The following FYB1 variants were observed in gnomAD, a reference collection of about 807,000 sequenced individuals.
FYB1 encodes FYN-binding protein 1.
In FYB1, 41 loss-of-function variants were observed where a neutral mutation model predicts 94.1. The observed-to-expected ratio is 0.44, with a 90% CI of 0.34 to 0.57. The LOEUF (loss-of-function observed/expected upper bound fraction) is 0.57. Among genes scored for constraint, FYB1 ranks in the 20% least tolerant of loss-of-function variants. The pLI, the probability that FYB1 is intolerant of heterozygous loss-of-function variation, is 0.02. For synonymous variants in FYB1, 367 were observed against 353.2 expected (o/e 1.04, Z -0.44); for missense variants, 1,050 against 976.8 (o/e 1.07, Z -1.00).
intron 12 of FYB1, among the ~76,000 whole-genome samples, chr5:39,124,925 A>ACACACACACG (rs1401564120): frequency 6.6e-6 from 1 of 150,694 alleles, no homozygotes; most frequent in African/African-American, 2.4e-5. Context: ...CCACACACAC[A>ACACACACACG]CACACACACA....
intron 3 of FYB1, among the ~76,000 whole-genome samples, chr5:39,149,695 C>T (rs889662186): frequency 6.6e-6 from 1 of 152,126 alleles, no homozygotes; most frequent in Non-Finnish European, 1.5e-5. Context: ...CCTCCACAGT[C>T]CTCACTTTTT....
intron 16 of FYB1, among the ~76,000 whole-genome samples, chr5:39,113,376 C>T (rs888309437): frequency 6.6e-5 from 10 of 152,088 alleles, no homozygotes; most frequent in African/African-American, 2.2e-4. Flanking sequence ...GGGATTCTCA[C>T]ATACAATATG....
chr5:39,270,273 G>T (rs976362665), intron 1 of FYB1, among the ~76,000 whole-genome samples: 37 of 152,100 alleles, frequency 2.4e-4, no homozygotes, highest in Admixed American at 2.0e-3. Context: ...ACTGGGGCTG[G>T]CACCAAGCTA....
At position 39,202,106 on chromosome 5, in the gene FYB1, A is replaced by G; in HGVS notation, c.855T>C (p.Asp285=). 1 of 1,613,856 alleles carries G rather than the reference A, an allele frequency of 6.2e-7. No individual in the cohort carries two copies. The highest frequency in any genetic ancestry group is 1.1e-5 in the South Asian group (1 of 91,074). The change falls in exon 2 of 19, where the codon GAT becomes GAC. Residue 285 remains aspartate, a synonymous_variant. Transcript: ENST00000512982. ...LSKNGEEKKE[D]RKIDAAKNTF... Reference sequence around the variant, plus strand: ...TGTTCTTAGCAGCATCTATCTTCCTATCTTCCTTTTTTTCTTCACCATTTT... The same window carrying G: ...TGTTCTTAGCAGCATCTATCTTCCTGTCTTCCTTTTTTTCTTCACCATTTT...
chr5:39,201,771 A>G, intron 2 of FYB1, 55 bp downstream of exon 2: 1 of 1,480,028 alleles, frequency 6.8e-7, no homozygotes, highest in Non-Finnish European at 9.1e-7. Flanking sequence ...AGAAGCTAAA[A>G]CATTCTCTGC....
intron 3 of FYB1, among the ~76,000 whole-genome samples, chr5:39,146,069 C>T (rs1742623421): frequency 6.6e-6 from 1 of 151,990 alleles, no homozygotes; most frequent in African/African-American, 2.4e-5. Context: ...TGCCTGCCAC[C>T]ATGCCCGGCT....
At chr5:39,184,199 T>A (rs1054250979) in intron 2 of FYB1, among the ~76,000 whole-genome samples, 1 of 152,180 alleles carries the variant, frequency 6.6e-6, no homozygotes, top group African/African-American at 2.4e-5. Context: ...CTAAAGCAGA[T>A]TGTTGTCAAA....
intron 2 of FYB1, among the ~76,000 whole-genome samples, chr5:39,190,025 C>A (rs192812152): frequency 1.2e-4 from 19 of 152,204 alleles, no homozygotes; most frequent in Non-Finnish European, 2.6e-4. Context: ...TTGAATAACA[C>A]ACAGGATGAT....
chr5:39,109,046 A>T (rs1440953413), intron 17 of FYB1, among the ~76,000 whole-genome samples: 1 of 152,270 alleles, frequency 6.6e-6, no homozygotes, highest in Middle Eastern at 3.4e-3. Flanking sequence ...AAACATGAAC[A>T]TTGCCTTGAA....
intron 1 of FYB1, among the ~76,000 whole-genome samples, chr5:39,272,384 C>G (rs1255224937): frequency 1.3e-5 from 2 of 151,916 alleles, no homozygotes; most frequent in Admixed American, 1.3e-4. Flanking sequence ...ACTTAATCAG[C>G]CCGGGCGCGG....
At chr5:39,251,023 G>T (rs1751690236) in intron 1 of FYB1, among the ~76,000 whole-genome samples, 1 of 152,194 alleles carries the variant, frequency 6.6e-6, no homozygotes, top group African/African-American at 2.4e-5. Flanking sequence ...AAGATGAAAG[G>T]ATTTCAAATG....
At chr5:39,266,986 C>T (rs1752460781) in intron 1 of FYB1, among the ~76,000 whole-genome samples, 1 of 152,112 alleles carries the variant, frequency 6.6e-6, no homozygotes, top group Non-Finnish European at 1.5e-5. Context: ...TAGAGGAGCT[C>T]CGGCTCTGAG....
At chr5:39,142,843 T>A (rs1742308456) in intron 3 of FYB1, among the ~76,000 whole-genome samples, 1 of 152,248 alleles carries the variant, frequency 6.6e-6, no homozygotes, top group Admixed American at 6.5e-5. Flanking sequence ...CTCACTTGAT[T>A]GCTTTGTGGC....
At chr5:39,194,019 C>T (rs147721811) in intron 2 of FYB1, among the ~76,000 whole-genome samples, 126 of 152,250 alleles carry the variant, frequency 8.3e-4, no homozygotes, top group Non-Finnish European at 1.5e-3. Flanking sequence ...ACAGTAAATT[C>T]CTGAGAGCCT....
rs190799404 is a variant in FYB1 at position 39,169,621 on chromosome 5, G to A, written c.1136-16017C>T. 546 of 448,664 alleles carry A rather than the reference G, an allele frequency of 1.2e-3. 2 individuals are homozygous for A. The highest frequency in any genetic ancestry group is 0.011 in the African/African-American group (530 of 49,594). 27.8% of individuals were successfully genotyped at this position (448,664 alleles called of 1,614,324 possible). On this transcript the variant is annotated intron_variant, in intron 2 of 18. Coordinates refer to ENST00000512982, the MANE Select transcript of FYB1 (RefSeq NM_001465.6). The stretch of plus-strand genomic sequence containing the variant: ...GCACTTTGGGAGGCCGAGGCGGGTG[G>A]ATTACCTGAGGTCAGGAGTTCGAGA...
chr5:39,264,798 G>C (rs1326721134), intron 1 of FYB1, among the ~76,000 whole-genome samples: 1 of 152,186 alleles, frequency 6.6e-6, no homozygotes, highest in Non-Finnish European at 1.5e-5. Flanking sequence ...TGTGCAGCCA[G>C]AGTAGAGAAC....
chr5:39,133,141 T>G (rs2150314261), intron 9 of FYB1, among the ~76,000 whole-genome samples: 1 of 152,340 alleles, frequency 6.6e-6, no homozygotes, highest in Non-Finnish European at 1.5e-5. Flanking sequence ...AAAATTTAAT[T>G]CTTCATGTGC....
chr5:39,247,196 T>C (rs1313868646), intron 1 of FYB1, among the ~76,000 whole-genome samples: 1 of 148,826 alleles, frequency 6.7e-6, no homozygotes, highest in African/African-American at 2.5e-5. Context: ...ATTTAAATAG[T>C]CCTCAGAAGG....
intron 1 of FYB1, among the ~76,000 whole-genome samples, chr5:39,238,280 C>A (rs550680933): frequency 6.6e-6 from 1 of 151,536 alleles, no homozygotes; most frequent in Non-Finnish European, 1.5e-5. Flanking sequence ...TGTGTATGTA[C>A]GTGTATGTGC....
Sources: gnomAD v4.1 joint callset for allele counts (sites outside exome capture counted in the v4.1 genomes callset) on GRCh38, gnomAD v4.1.1 for gene constraint, MANE v1.5 for transcripts, NCBI Gene and HGNC (gene_info 2026-07-23, HGNC 2026-07-21) for gene names.